Variants in RFX2 observed in about 807,000 individuals in gnomAD.
RFX2 encodes the protein DNA-binding protein RFX2.
In RFX2, 20 loss-of-function variants were observed where a neutral mutation model predicts 87.8. That is an observed-to-expected ratio of 0.23 (90% CI 0.16 to 0.33). The LOEUF (loss-of-function observed/expected upper bound fraction) is 0.33, where lower values mean the gene tolerates loss of function less well. Ranked by LOEUF, RFX2 falls within the 10% of genes least tolerant of loss-of-function variation. The pLI, the probability that RFX2 is intolerant of heterozygous loss-of-function variation, is 1.00. For synonymous variants in RFX2, 397 were observed against 431.3 expected, an observed-to-expected ratio of 0.92 and a Z score of 0.98; for missense variants, 767 against 1,012.3, an observed-to-expected ratio of 0.76 and a Z score of 3.29.
chr19:6,051,717 C>G (rs1363711147), intron 1 of RFX2, among the ~76,000 whole-genome samples: 1 of 151,984 alleles, frequency 6.6e-6, no homozygotes, highest in Non-Finnish European at 1.5e-5. Context: ...TGTAAATAGA[C>G]TAAATTCTTG....
chr19:6,054,677 G>A lies in RFX2; in HGVS notation c.-8-7173C>T, dbSNP rs1252277668. On this transcript the variant is annotated intron_variant, in intron 1 of 17. Transcript: ENST00000303657. Reference sequence around the variant, plus strand: ...ATGGATCAACAGAATATCCATATTGGGGAAAATAAATGAACCTTGACCCCT... The same window carrying A: ...ATGGATCAACAGAATATCCATATTGAGGAAAATAAATGAACCTTGACCCCT... Among the ~76,000 whole-genome samples the A allele has an allele frequency of 5.3e-5, 8 of 151,790 alleles. 1 individual carries two copies. The South Asian group carries it at 8.3e-4, about 16-fold the overall frequency.
chr19:6,013,024 G>A lies in RFX2; in HGVS notation c.861C>T (p.Tyr287=), dbSNP rs1282643539. 6.2e-7 allele frequency: 1 copy of A among 1,602,352 alleles called. No individual in the cohort carries two copies. Among genetic ancestry groups the A allele is most frequent in the South Asian group, 1.1e-5 (1 of 89,442 alleles). The part of the protein sequence containing the change: ...PLNRLQEDTQ[Y]MAMRQQPMHQ... ...GCATGGGCTGCTGCCGCATGGCCAT[G>A]TACTGCGTGTCCTCCTGCAGCCGGT... Residue 287 remains tyrosine, a synonymous_variant, in exon 8 of 18, where the codon TAC becomes TAT. Coordinates refer to ENST00000303657, the MANE Select transcript of RFX2 (RefSeq NM_000635.4). This position sits in a 1 kb window ranked among gnomAD's most constrained non-coding sequence, Gnocchi z 4.1.
At chr19:6,081,295 G>A (rs1470194288) in intron 1 of RFX2, among the ~76,000 whole-genome samples, 1 of 152,112 alleles carries the variant, frequency 6.6e-6, no homozygotes, top group African/African-American at 2.4e-5. Flanking sequence ...GATTGATTGA[G>A]GCCAACCAGG....
intron 1 of RFX2, among the ~76,000 whole-genome samples, chr19:6,088,857 G>A (rs369156161): frequency 2.6e-5 from 4 of 152,324 alleles, no homozygotes; most frequent in South Asian, 4.1e-4. Flanking sequence ...TCGCTGTCAA[G>A]ATGACTCAAC....
At position 6,020,367 on chromosome 19, in the gene RFX2, AGTCCTTCTT is replaced by A. The variant is rs533525370; in HGVS notation, c.598-4105_598-4097del. The A allele has an allele frequency of 1.7e-3, 259 of 152,400 alleles. No individual in the cohort carries two copies. The highest frequency in any genetic ancestry group is 6.0e-3 in the African/African-American group (249 of 41,594). The allele number at this position is 152,400 out of a possible 1,614,324, so 9.4% of individuals were successfully genotyped here. On this transcript the variant is annotated intron_variant, in intron 6 of 17. Transcript: ENST00000303657. The surrounding 1 kb of genome is among the most constrained non-coding windows in gnomAD (Gnocchi z 5.3). ...AGGATGCATAGTTGTCTTGACAGCA[AGTCCTTCTT>A]GCTCAACATCAAGAAACCACAGAGA...
rs2086462049 is a variant in RFX2 at position 5,999,403 on chromosome 19, T to G, written c.1860-2190A>C. Among the ~76,000 whole-genome samples, 2 of 152,098 alleles carry G rather than the reference T, an allele frequency of 1.3e-5. No individual in the cohort carries two copies. The highest frequency in any genetic ancestry group is 4.8e-5 in the African/African-American group (2 of 41,390). On this transcript the variant is annotated intron_variant, in intron 15 of 17. Transcript: ENST00000303657. The surrounding 1 kb of genome is among the most constrained non-coding windows in gnomAD (Gnocchi z 4.1). ...GCAGGCACCTCAGTCCTGCGCTCAC[T>G]CTGCTCTTCTCAATTCTTCCGCTTG...
rs1386487761 is a variant in RFX2 at position 6,021,232 on chromosome 19, G to C, written c.597+4931C>G. ...CCCTGTGTTGACATAATCCGACTTG[G>C]AACATCCACCTTTTCACCCATTCCA... On this transcript the variant is annotated intron_variant, in intron 6 of 17. Transcript: ENST00000303657. The surrounding 1 kb of genome is among the most constrained non-coding windows in gnomAD (Gnocchi z 5.7). Among the ~76,000 whole-genome samples the C allele has an allele frequency of 1.3e-5, 2 of 152,166 alleles. No homozygotes were observed. The highest frequency in any genetic ancestry group is 4.8e-5 in the African/African-American group (2 of 41,420).
At chr19:6,003,236 A>AT (rs962130331) in intron 13 of RFX2, among the ~76,000 whole-genome samples, 5 of 151,658 alleles carry the variant, frequency 3.3e-5, no homozygotes, top group Middle Eastern at 3.2e-3. Flanking sequence ...TGGGAATCTT[A>AT]TTTTTTTTAA....
At chr19:6,034,876 G>A (rs184915684) in intron 5 of RFX2, among the ~76,000 whole-genome samples, 398 of 152,250 alleles carry the variant, frequency 2.6e-3, no homozygotes, top group Non-Finnish European at 4.2e-3. Context: ...ATAGACTCTT[G>A]TTTAATTTAC....
In RFX2 at chr19:6,027,919, C is replaced by T. The variant is rs1197827119; in HGVS notation, c.523-1682G>A. Among the ~76,000 whole-genome samples the T allele has an allele frequency of 6.6e-6, 1 of 152,130 alleles. No homozygotes were observed. The highest frequency in any genetic ancestry group is 2.4e-5 in the African/African-American group (1 of 41,402). On this transcript the variant is annotated intron_variant, in intron 5 of 17. Coordinates refer to ENST00000303657, the MANE Select transcript of RFX2 (RefSeq NM_000635.4). The surrounding 1 kb of genome is among the most constrained non-coding windows in gnomAD (Gnocchi z 5.0). ...GGGATTATAGGCATGTGCCACCACA[C>T]CCAGCTAATTTTTGTATTTTTTAGC... is the stretch of plus-strand genomic sequence containing the variant.
At chr19:6,028,803 G>A (rs1381280320) in intron 5 of RFX2, among the ~76,000 whole-genome samples, 4 of 152,190 alleles carry the variant, frequency 2.6e-5, no homozygotes, top group Admixed American at 6.5e-5. Flanking sequence ...GGCCGGGCAC[G>A]GTGGCTCACG....
chr19:6,072,397 T>A (rs1024131645), intron 1 of RFX2, among the ~76,000 whole-genome samples: 1 of 152,202 alleles, frequency 6.6e-6, no homozygotes, highest in African/African-American at 2.4e-5. Flanking sequence ...CACTTCTGCA[T>A]ACATTTTAAA....
intron 5 of RFX2, among the ~76,000 whole-genome samples, chr19:6,037,432 T>C (rs368626938): frequency 1.3e-5 from 2 of 152,230 alleles, no homozygotes; most frequent in African/African-American, 4.8e-5. Flanking sequence ...CAATGCCATT[T>C]ACAATAGCTC....
chr19:6,000,086 G>C (rs2086471134), intron 15 of RFX2, among the ~76,000 whole-genome samples: 2 of 151,984 alleles, frequency 1.3e-5, no homozygotes, highest in Admixed American at 1.3e-4. Context: ...CCGGATTCAA[G>C]TGATTCTCCT....
At chr19:6,103,958 C>G (rs888631645) in intron 1 of RFX2, among the ~76,000 whole-genome samples, 6 of 152,066 alleles carry the variant, frequency 3.9e-5, no homozygotes, top group Non-Finnish European at 7.4e-5. Flanking sequence ...TTCTGAGCAC[C>G]TATTAGATGC....
At chr19:6,060,659 G>C (rs1346798253) in intron 1 of RFX2, among the ~76,000 whole-genome samples, 1 of 152,240 alleles carries the variant, frequency 6.6e-6, no homozygotes, top group African/African-American at 2.4e-5. Context: ...TCACGGGGCA[G>C]TTTTCGGGCC....
chr19:6,099,415 G>T (rs2088080710), intron 1 of RFX2, among the ~76,000 whole-genome samples: 1 of 152,150 alleles, frequency 6.6e-6, no homozygotes, highest in Non-Finnish European at 1.5e-5. Flanking sequence ...TTGAAATTTG[G>T]TAAAGGAAAA....
At position 6,100,689 on chromosome 19, in the gene RFX2, C is replaced by A. The variant is rs568185900; in HGVS notation, c.-9+9704G>T. Among the ~76,000 whole-genome samples the A allele has an allele frequency of 7.9e-5, 12 of 152,144 alleles. No homozygotes were observed. In the South Asian group the frequency reaches 1.7e-3, roughly 21 times the overall value. ...GGGAGGCGCCATGTTGCGGCCCAGC[C>A]GCTGCTACTGACTCCACCATCCGGC... On this transcript the variant is annotated intron_variant, in intron 1 of 17. Coordinates refer to ENST00000303657, the MANE Select transcript of RFX2 (RefSeq NM_000635.4).
chr19:6,036,172 A>G (rs1231853365), intron 5 of RFX2, among the ~76,000 whole-genome samples: 1 of 152,232 alleles, frequency 6.6e-6, no homozygotes, highest in Non-Finnish European at 1.5e-5. Flanking sequence ...TTTCTGTTCC[A>G]TAACAACTAA....
Sources: allele counts gnomAD v4.1 joint callset (sites outside exome capture counted in the v4.1 genomes callset), GRCh38; gene constraint gnomAD v4.1.1; non-coding constraint Gnocchi (gnomAD v3.1); transcripts MANE v1.5; gene names NCBI Gene and HGNC (gene_info 2026-07-23, HGNC 2026-07-21).